MTOR: variants seen among roughly 807,000 people sequenced by gnomAD.
MTOR encodes mechanistic target of rapamycin kinase.
Under a neutral mutation model 319.8 loss-of-function variants are expected in MTOR, and 70 were observed. The ratio of observed to expected loss-of-function variants is 0.22; its 90% CI spans 0.18 to 0.27. The LOEUF (loss-of-function observed/expected upper bound fraction) is 0.27. MTOR is among the 10% of genes least tolerant of loss of function. The probability of loss-of-function intolerance (pLI) is 1.00; values close to 1 mark genes in which losing one functional copy is unlikely to be tolerated. For synonymous variants in MTOR, 1,183 were observed against 1,211.4 expected, an observed-to-expected ratio of 0.98 and a Z score of 0.49; for missense variants, 1,890 against 3,274.4, an observed-to-expected ratio of 0.58 and a Z score of 10.32.
At chr1:11,192,471 T>C (rs1645579912) in intron 28 of MTOR, 1 of 1,058,746 alleles carries the variant, frequency 9.4e-7, no homozygotes, top group African/African-American at 1.6e-5. Context: ...GAAAGGAAAA[T>C]TCGGCTGGGC....
At chr1:11,190,220 G>A (rs929914089) in intron 28 of MTOR, among the ~76,000 whole-genome samples, 5 of 152,216 alleles carry the variant, frequency 3.3e-5, no homozygotes, top group Non-Finnish European at 5.9e-5. Context: ...AAGTCACCCA[G>A]CAAGTCTTAG....
intron 19 of MTOR, among the ~76,000 whole-genome samples, chr1:11,224,743 G>A (rs576710829): frequency 1.5e-4 from 23 of 152,220 alleles, no homozygotes; most frequent in Admixed American, 1.4e-3. Context: ...ATATAAAAAA[G>A]AGAAATTAAA....
At chr1:11,139,713 G>T (rs572252349) in intron 34 of MTOR, 55 bp from the exon 35 acceptor site, 566 of 1,605,752 alleles carry the variant, frequency 3.5e-4, no homozygotes, top group Non-Finnish European at 4.6e-4. Flanking sequence ...TGTTTTTGTG[G>T]CAGAGTCTTG....
At chr1:11,140,961 C>A (rs1643669249) in intron 34 of MTOR, among the ~76,000 whole-genome samples, 1 of 142,404 alleles carries the variant, frequency 7.0e-6, no homozygotes. Flanking sequence ...TTATTAAAGC[C>A]TAAACCTCCA....
chr1:11,205,491 A>G (rs1208378837), intron 25 of MTOR, among the ~76,000 whole-genome samples: 1 of 152,246 alleles, frequency 6.6e-6, no homozygotes, highest in Middle Eastern at 3.2e-3. Context: ...GTTTTAAGTT[A>G]ATAAATGTAA....
At chr1:11,238,764 TTC>T (rs1311970575) in intron 11 of MTOR, 147 bp from the exon 12 acceptor site, 52 of 604,752 alleles carry the variant, frequency 8.6e-5, no homozygotes, top group Non-Finnish European at 1.1e-4. Flanking sequence ...CCCGGAACTC[TTC>T]TTTTTTTTTT....
At chr1:11,234,107 G>A (rs746913762) in intron 14 of MTOR, 36 bp downstream of exon 14, 9 of 1,613,390 alleles carry the variant, frequency 5.6e-6, no homozygotes, top group East Asian at 2.2e-5. Context: ...TGATGACAAC[G>A]CACAGAGAAA....
chr1:11,157,101 A>AAG, intron 30 of MTOR, 51 bp downstream of exon 30: 1 of 1,521,578 alleles, frequency 6.6e-7, no homozygotes, highest in Non-Finnish European at 8.8e-7. Flanking sequence ...CCAAAGATCA[A>AAG]AGAGACGAAG....
intron 34 of MTOR, among the ~76,000 whole-genome samples, chr1:11,140,482 C>T (rs1342855467): frequency 1.3e-5 from 2 of 152,324 alleles, no homozygotes; most frequent in Admixed American, 6.5e-5. Context: ...CCCTCACCTC[C>T]TGCTGTGCCT....
At chr1:11,192,462 A>G in intron 28 of MTOR, 1 of 1,181,136 alleles carries the variant, frequency 8.5e-7, no homozygotes, top group Non-Finnish European at 1.2e-6. Context: ...CAGTTTAAAG[A>G]AAGGAAAATT....
intron 29 of MTOR, among the ~76,000 whole-genome samples, chr1:11,162,921 T>G (rs1455772975): frequency 6.6e-6 from 1 of 152,144 alleles, no homozygotes; most frequent in Non-Finnish European, 1.5e-5. Context: ...CAGGATCAAA[T>G]TCACACATAA....
rs1643869193 is a variant in MTOR, at chr1:11,144,688, C to T, written c.4832G>A (p.Arg1611Gln). 6.2e-7 allele frequency: 1 copy of T among 1,614,090 alleles called. No homozygotes were observed. Among genetic ancestry groups the T allele is most frequent in the Non-Finnish European group, 8.5e-7 (1 of 1,180,036 alleles). The change falls in exon 34 of 58, where the codon CGA (arginine) becomes CAA (glutamine). Residue 1611 changes from arginine to glutamine, a missense_variant. This residue lies in a region of MTOR where 276 missense variants were observed against 459.4 expected (regional missense o/e 0.60). Transcript: ENST00000361445. ...EVIQYKLVPERREIIRQIWWE... is the reference protein window; with the variant it reads ...EVIQYKLVPEQREIIRQIWWE... ...CCAGATCTGGCGGATGATCTCTCGT[C>T]GCTCGGGGACAAGTTTGTACTGGAT...
intron 29 of MTOR, among the ~76,000 whole-genome samples, chr1:11,166,824 A>G (rs1043808879): frequency 6.6e-6 from 1 of 152,228 alleles, no homozygotes; most frequent in Non-Finnish European, 1.5e-5. Context: ...TATTCACAAT[A>G]GCAAAGACTT....
intron 6 of MTOR, among the ~76,000 whole-genome samples, chr1:11,251,298 G>A (rs929208212): frequency 1.3e-5 from 2 of 152,118 alleles, no homozygotes; most frequent in African/African-American, 4.8e-5. Flanking sequence ...CTGCCTCAGG[G>A]ACCACTGCCT....
chr1:11,260,030 C>T (rs959332760), intron 1 of MTOR, among the ~76,000 whole-genome samples: 2 of 152,166 alleles, frequency 1.3e-5, no homozygotes, highest in Non-Finnish European at 2.9e-5. Flanking sequence ...AACTAAATGA[C>T]TTAATACGTG....
At chr1:11,251,876 A>T (rs1463360164) in intron 6 of MTOR, among the ~76,000 whole-genome samples, 2 of 152,132 alleles carry the variant, frequency 1.3e-5, no homozygotes, top group Non-Finnish European at 2.9e-5. Context: ...GCTAGGTGAT[A>T]CTGTCCTGTT....
chr1:11,213,393 A>G lies in MTOR; in HGVS notation c.3285+6T>C. The stretch of plus-strand genomic sequence containing the variant: ...ATCTCTCTGGAGGATGACGTAGGCT[A>G]CTCACCTTGATAGAGACAATGCGGC... On this transcript the variant is annotated splice_donor_region_variant and intron_variant, in intron 21 of 57. Transcript: ENST00000361445. 6.2e-7 allele frequency: 1 copy of G among 1,610,204 alleles called. No individual in the cohort carries two copies. Among genetic ancestry groups the G allele is most frequent in the Non-Finnish European group, 8.5e-7 (1 of 1,178,928 alleles).
intron 54 of MTOR, among the ~76,000 whole-genome samples, chr1:11,110,016 A>T (rs1570896528): frequency 6.6e-6 from 1 of 150,848 alleles, no homozygotes; most frequent in East Asian, 1.9e-4. Context: ...AAAAATTTTT[A>T]AATCTGTAAA....
In MTOR at chr1:11,189,310, T is replaced by C. The variant is rs1361429216; in HGVS notation, c.4253+9948A>G. 6 of 351,876 alleles carry C rather than the reference T, an allele frequency of 1.7e-5. No homozygotes were observed. The Admixed American group carries it at 1.8e-4, about 11-fold the overall frequency. The allele number at this position is 351,876 out of a possible 1,614,324, so 21.8% of individuals were successfully genotyped here. ...GGTGCAGCCATGGTAGGGGTGGAGG[T>C]ACAGGCAGCAAACAATATTTAAGAT... On this transcript the variant is annotated intron_variant, in intron 28 of 57. Transcript: ENST00000361445.
Sources: allele counts gnomAD v4.1 joint callset (sites outside exome capture counted in the v4.1 genomes callset), GRCh38; gene constraint gnomAD v4.1.1; regional missense constraint gnomAD v4.1.1; transcripts MANE v1.5; gene names NCBI Gene and HGNC (gene_info 2026-07-23, HGNC 2026-07-21).